Variants in TEX9 observed in about 807,000 individuals in gnomAD.
TEX9 encodes the protein testis expressed 9, also known as testis-expressed protein 9.
A neutral mutation model predicts 59.6 loss-of-function variants in TEX9; 74 were observed. The ratio of observed to expected loss-of-function variants is 1.24; its 90% CI spans 1.03 to 1.51. TEX9 has a LOEUF of 1.51. TEX9 is among the 40% of genes most tolerant of loss of function. The probability of loss-of-function intolerance (pLI) is 0.00; values close to 1 mark genes in which losing one functional copy is unlikely to be tolerated. For missense variants in TEX9, 522 were observed against 447.8 expected, an observed-to-expected ratio of 1.17 and a Z score of -1.49; for synonymous variants, 186 against 152.2, an observed-to-expected ratio of 1.22 and a Z score of -1.64.
At chr15:56,341,910 G>T (rs1236422903) in intron 1 of TEX9, among the ~76,000 whole-genome samples, 1 of 152,068 alleles carries the variant, frequency 6.6e-6, no homozygotes, top group African/African-American at 2.4e-5. Flanking sequence ...GGAAAAGATA[G>T]TTCTTTGTTT....
In TEX9 at chr15:56,338,550, T is replaced by C. The variant is rs575953095; in HGVS notation, c.-106-34891T>C. 1.8e-4 allele frequency among the ~76,000 whole-genome samples: 25 copies of C among 142,702 alleles called. No homozygotes were observed. The South Asian group carries it at 5.3e-3, about 30-fold the overall frequency. 93.6% of individuals were successfully genotyped at this position (142,702 alleles called of 152,430 possible). A position where few individuals can be genotyped will look rare whatever the true frequency, so the allele number is the denominator to read the frequency against. ...AGGCTGAGGCACTTTGGGTGAGAAC[T>C]GTAAACCTATATTTGAAATGGTTAT... is the stretch of plus-strand genomic sequence containing the variant. On this transcript the variant is annotated intron_variant, in intron 1 of 5. Transcript: ENST00000560827.
rs1043727963 is a variant in TEX9, at chr15:56,434,009, A to G, written c.*29+5536A>G. On this transcript the variant is annotated intron_variant, in intron 12 of 12. Coordinates refer to ENST00000352903, the Ensembl canonical transcript of TEX9. Reference sequence around the variant, plus strand: ...AGAAGCAAAAATGGTCAGAAAATTTATATATATATTAGTAAACATACTAAC... The same window carrying G: ...AGAAGCAAAAATGGTCAGAAAATTTGTATATATATTAGTAAACATACTAAC... 4 of 800,662 alleles carry G rather than the reference A, an allele frequency of 5.0e-6. No individual in the cohort carries two copies. In the African/African-American group the frequency reaches 7.1e-5, roughly 14 times the overall value. The allele number at this position is 800,662 out of a possible 1,614,324, so 49.6% of individuals were successfully genotyped here.
At chr15:56,445,562 A>G (rs1195545268) in intron 12 of TEX9, 1 of 152,054 alleles carries the variant, frequency 6.6e-6, no homozygotes, top group African/African-American at 2.4e-5. Context: ...GTTTCTGATT[A>G]TCTTCTTTGT....
intron 1 of TEX9, among the ~76,000 whole-genome samples, chr15:56,297,448 A>G (rs191796768): frequency 6.6e-6 from 1 of 152,336 alleles, no homozygotes; most frequent in Non-Finnish European, 1.5e-5. Context: ...GAATTTGACA[A>G]TAACAGCAAA....
rs1035182548 is a variant in TEX9, at chr15:56,290,456, C to G, written c.-107+46178C>G. ...ATTTCATCAGCAAGCCCTGCCCCCC[C>G]CAGTTTTTTTCAATACAGGTCTTGC... On this transcript the variant is annotated intron_variant, in intron 1 of 5. Coordinates refer to the TEX9 transcript ENST00000560827. 3.3e-5 allele frequency among the ~76,000 whole-genome samples: 5 copies of G among 152,068 alleles called. No homozygotes were observed. In the South Asian group the frequency reaches 1.0e-3, roughly 32 times the overall value.
At chr15:56,263,185 G>A (rs577395414) in intron 1 of TEX9, among the ~76,000 whole-genome samples, 16 of 152,122 alleles carry the variant, frequency 1.1e-4, no homozygotes, top group Middle Eastern at 3.4e-3. Context: ...CACCATGCCC[G>A]GCTAATTTTG....
chr15:56,369,006 A>G lies in TEX9; in HGVS notation c.119+3336A>G, dbSNP rs548852121. On this transcript the variant is annotated intron_variant, in intron 2 of 12. Coordinates refer to ENST00000352903, the Ensembl canonical transcript of TEX9. ...TATTGTTTTTCTTATTTCTTAATAAATATATTTAGTCTTTAAATTTCTCTC... is the reference window on the plus strand; with the variant it reads ...TATTGTTTTTCTTATTTCTTAATAAGTATATTTAGTCTTTAAATTTCTCTC... 5.4e-4 allele frequency among the ~76,000 whole-genome samples: 82 copies of G among 152,158 alleles called. 1 individual carries two copies. Among genetic ancestry groups the G allele is most frequent in the African/African-American group, 1.9e-3 (80 of 41,540 alleles).
intron 1 of TEX9, among the ~76,000 whole-genome samples, chr15:56,281,262 C>G (rs1446638344): frequency 6.6e-6 from 1 of 152,174 alleles, no homozygotes. Flanking sequence ...TACTGGTTAA[C>G]AGAGGTTAGT....
intron 4 of TEX9, among the ~76,000 whole-genome samples, chr15:56,387,118 A>G (rs1224541006): frequency 2.0e-5 from 3 of 151,944 alleles, no homozygotes; most frequent in Admixed American, 6.6e-5. Context: ...TATTTCCATC[A>G]TATTACAAAC....
intron 1 of TEX9, among the ~76,000 whole-genome samples, chr15:56,322,134 G>T (rs2554285): frequency 5.9e-5 from 9 of 151,710 alleles, no homozygotes; most frequent in Admixed American, 5.3e-4. Context: ...CCTGTCCAAA[G>T]GAAAAGCAAG....
chr15:56,375,482 G>A (rs868199160), intron 3 of TEX9, among the ~76,000 whole-genome samples: 127 of 151,846 alleles, frequency 8.4e-4, no homozygotes, highest in African/African-American at 2.8e-3. Context: ...TCACTCTGAC[G>A]GTAGTTTCTT....
intron 10 of TEX9, among the ~76,000 whole-genome samples, chr15:56,414,656 A>G (rs1394015560): frequency 2.6e-5 from 4 of 151,692 alleles, no homozygotes; most frequent in African/African-American, 7.3e-5. Context: ...ATGGGCATTT[A>G]GTTGATTCCA....
At chr15:56,315,415 G>A (rs1311793442) in intron 1 of TEX9, among the ~76,000 whole-genome samples, 42 of 145,224 alleles carry the variant, frequency 2.9e-4, no homozygotes, top group Admixed American at 5.0e-4. Context: ...TATGAAGCTT[G>A]GTTTGGCTGG....
At chr15:56,388,032 A>T (rs1181835361) in intron 4 of TEX9, among the ~76,000 whole-genome samples, 1 of 152,054 alleles carries the variant, frequency 6.6e-6, no homozygotes, top group East Asian at 1.9e-4. Context: ...AACAAGGCAG[A>T]CGTGATTTCT....
intron 6 of TEX9, 87 bp from the exon 7 acceptor site, chr15:56,391,156 G>A: frequency 1.4e-6 from 1 of 738,032 alleles, no homozygotes; most frequent in Non-Finnish European, 2.0e-6. Flanking sequence ...TGCTTATTTG[G>A]GTAAAAGGCA....
intron 1 of TEX9, among the ~76,000 whole-genome samples, chr15:56,276,835 A>G (rs752754947): frequency 6.6e-6 from 1 of 152,084 alleles, no homozygotes; most frequent in Non-Finnish European, 1.5e-5. Context: ...CCTTGCCAGC[A>G]TCTGTTGCTT....
At chr15:56,294,726 A>G (rs1329122406) in intron 1 of TEX9, among the ~76,000 whole-genome samples, 2 of 152,200 alleles carry the variant, frequency 1.3e-5, no homozygotes, top group Admixed American at 6.5e-5. Flanking sequence ...GGGAGGAAAT[A>G]CCATGGTAAT....
chr15:56,245,758 C>T (rs1316152192), intron 1 of TEX9, among the ~76,000 whole-genome samples: 1 of 152,086 alleles, frequency 6.6e-6, no homozygotes, highest in East Asian at 1.9e-4. Context: ...TTAAAATTAC[C>T]CAATTAGTAA....
chr15:56,424,517 G>C (rs1214779509), intron 10 of TEX9, among the ~76,000 whole-genome samples: 3 of 152,068 alleles, frequency 2.0e-5, no homozygotes, highest in Non-Finnish European at 4.4e-5. Context: ...GTTGCTGTTT[G>C]TTCACAATTT....
Sources: gnomAD v4.1 joint callset for allele counts (sites outside exome capture counted in the v4.1 genomes callset) on GRCh38, gnomAD v4.1.1 for gene constraint, MANE v1.5 for transcripts, NCBI Gene and HGNC (gene_info 2026-07-23, HGNC 2026-07-21) for gene names.